SLC25A14: variants seen among roughly 807,000 people sequenced by gnomAD.
SLC25A14 encodes brain mitochondrial carrier protein 1.
SLC25A14 carries 8 observed loss-of-function variants against 28.1 expected under a neutral mutation model. That is an observed-to-expected ratio of 0.28 (90% CI 0.17 to 0.51). The LOEUF (loss-of-function observed/expected upper bound fraction) is 0.51, where lower values mean the gene tolerates loss of function less well. Among genes scored for constraint, SLC25A14 ranks in the 20% least tolerant of loss-of-function variants. The probability of loss-of-function intolerance (pLI) is 0.97; values close to 1 mark genes in which losing one functional copy is unlikely to be tolerated. For missense variants in SLC25A14, 135 were observed against 263.8 expected, an observed-to-expected ratio of 0.51 and a Z score of 3.38; for synonymous variants, 74 against 90.6, an observed-to-expected ratio of 0.82 and a Z score of 1.04.
At chrX:130,362,704 G>A (rs563791622) in intron 7 of SLC25A14, among the ~76,000 whole-genome samples, 8 of 111,894 alleles carry the variant, frequency 7.1e-5, no homozygotes, top group African/African-American at 2.3e-4. Context: ...TATCATAAGC[G>A]TTTTCTTGTG....
At chrX:130,344,663 G>A (rs2033372377) in intron 2 of SLC25A14, among the ~76,000 whole-genome samples, 1 of 111,510 alleles carries the variant, frequency 9.0e-6, no homozygotes, top group African/African-American at 3.3e-5. Flanking sequence ...GGCCTAGTTG[G>A]GGGGACAAAG....
chrX:130,372,502 G>A (rs1422168050), intron 10 of SLC25A14, among the ~76,000 whole-genome samples: 2 of 106,081 alleles, frequency 1.9e-5, no homozygotes, highest in Non-Finnish European at 3.9e-5. Context: ...TTGCTCTCTC[G>A]CCCAGGCTGG....
intron 8 of SLC25A14, 38 bp from the exon 9 acceptor site, chrX:130,365,503 T>C (rs1603265514): frequency 2.5e-6 from 3 of 1,203,444 alleles, no homozygotes; most frequent in African/African-American, 3.5e-5. Context: ...GGGCAGGGAG[T>C]GAAAGTGGGG....
Position 130,340,084 on chromosome X carries a change from C to T in SLC25A14, c.-172-23C>T, listed in dbSNP as rs747158729. 2.1e-3 allele frequency: 2,248 copies of T among 1,056,072 alleles called. 5 individuals carry two copies. The highest frequency in any genetic ancestry group is 1.9e-3 in the Non-Finnish European group (1,551 of 823,544). The allele number at this position is 1,056,072 out of a possible 1,213,427, so 87.0% of individuals were successfully genotyped here. A position where few individuals can be genotyped will look rare whatever the true frequency, so the allele number is the denominator to read the frequency against. ...CCGGCCTGGGAGGGGCTTAACGGTCCTCTGGTCTCTCTCTCCCCTCAGCTG... is the reference window on the plus strand; with the variant it reads ...CCGGCCTGGGAGGGGCTTAACGGTCTTCTGGTCTCTCTCTCCCCTCAGCTG... On this transcript the variant is annotated intron_variant, in intron 1 of 10. Transcript: ENST00000545805.
At chrX:130,364,423 T>C (rs184478448) in intron 7 of SLC25A14, among the ~76,000 whole-genome samples, 64 of 111,482 alleles carry the variant, frequency 5.7e-4, no homozygotes, top group Non-Finnish European at 1.0e-3. Flanking sequence ...GCTTTGGGTG[T>C]CATATCAATT....
intron 6 of SLC25A14, among the ~76,000 whole-genome samples, chrX:130,353,937 T>C (rs1477242055): frequency 4.5e-5 from 5 of 111,599 alleles, no homozygotes; most frequent in Non-Finnish European, 9.4e-5. Flanking sequence ...GTTTTGTTAC[T>C]ACACTATTTA....
At chrX:130,366,077 T>C (rs2034109222) in intron 9 of SLC25A14, among the ~76,000 whole-genome samples, 1 of 112,589 alleles carries the variant, frequency 8.9e-6, no homozygotes, top group Non-Finnish European at 1.9e-5. Flanking sequence ...GCTTTGAAAG[T>C]TCCTGCTGTT....
intron 6 of SLC25A14, among the ~76,000 whole-genome samples, chrX:130,355,912 A>G (rs1300020568): frequency 9.0e-6 from 1 of 111,724 alleles, no homozygotes; most frequent in African/African-American, 3.3e-5. Flanking sequence ...ATATCATTTA[A>G]CTTATTTCTC....
chrX:130,357,721 A>G (rs942288865), intron 6 of SLC25A14, among the ~76,000 whole-genome samples: 12 of 112,042 alleles, frequency 1.1e-4, no homozygotes, highest in African/African-American at 3.9e-4. Context: ...AATCAGGCCT[A>G]CATTTGGGCC....
intron 2 of SLC25A14, among the ~76,000 whole-genome samples, chrX:130,344,786 C>T (rs769310744): frequency 3.4e-4 from 38 of 111,826 alleles, no homozygotes; most frequent in Non-Finnish European, 5.1e-4. Flanking sequence ...ATACCATGAA[C>T]TGCTTTTATG....
At position 130,364,627 on chromosome X, in the gene SLC25A14, G is replaced by T; in HGVS notation, c.595-1G>T. 1 of 1,203,631 alleles carries T rather than the reference G, an allele frequency of 8.3e-7. No homozygotes were observed. The highest frequency in any genetic ancestry group is 1.8e-5 in the South Asian group (1 of 56,741). On this transcript the variant is annotated splice_acceptor_variant, in intron 7 of 10. Transcript: ENST00000545805. LOFTEE classifies it high-confidence loss of function. ...TGCCTAATGTCACTTGTGTTTCGTA[G>T]GGTGTGGTTCCAACTGCTCAGCGTG... is the stretch of plus-strand genomic sequence containing the variant.
intron 7 of SLC25A14, chrX:130,359,124 G>A (rs1193592049): frequency 1.4e-5 from 9 of 645,110 alleles, no homozygotes; most frequent in South Asian, 9.2e-5. Context: ...AGGCCAACGC[G>A]GGTGGATCAC....
chrX:130,353,373 G>A (rs1382232759), intron 6 of SLC25A14, among the ~76,000 whole-genome samples: 1 of 111,204 alleles, frequency 9.0e-6, no homozygotes, highest in African/African-American at 3.3e-5. Context: ...TCTTACTGTA[G>A]TGGTTTTCCA....
intron 2 of SLC25A14, among the ~76,000 whole-genome samples, chrX:130,343,092 G>A (rs1363251896): frequency 9.0e-6 from 1 of 111,509 alleles, no homozygotes; most frequent in South Asian, 3.8e-4. Context: ...GTGAAGTTCC[G>A]ATAGAGGCTT....
At chrX:130,356,179 T>C (rs1007172622) in intron 6 of SLC25A14, among the ~76,000 whole-genome samples, 5 of 108,215 alleles carry the variant, frequency 4.6e-5, no homozygotes, top group Admixed American at 1.0e-4. Context: ...CATCATTCCA[T>C]CCATGTTTCT....
At position 130,364,624 on chromosome X, in the gene SLC25A14, G is replaced by T. The variant is rs368665814; in HGVS notation, c.595-4G>T. Reference sequence around the variant, plus strand: ...TGGTGCCTAATGTCACTTGTGTTTCGTAGGGTGTGGTTCCAACTGCTCAGC... The same window carrying T: ...TGGTGCCTAATGTCACTTGTGTTTCTTAGGGTGTGGTTCCAACTGCTCAGC... On this transcript the variant is annotated splice_region_variant and splice_polypyrimidine_tract_variant and intron_variant, in intron 7 of 10. Coordinates refer to ENST00000545805, the MANE Select transcript of SLC25A14 (RefSeq NM_001282195.2). The T allele has an allele frequency of 1.2e-5, 14 of 1,200,352 alleles. No individual in the cohort carries two copies. The highest frequency in any genetic ancestry group is 1.6e-5 in the Non-Finnish European group (14 of 886,401).
chrX:130,353,503 A>C (rs2033684183), intron 6 of SLC25A14, among the ~76,000 whole-genome samples: 1 of 111,865 alleles, frequency 8.9e-6, no homozygotes, highest in South Asian at 3.7e-4. Context: ...AAGCCCTTCA[A>C]GTGATTTTGA....
chrX:130,344,278 C>T (rs758474486), intron 2 of SLC25A14, among the ~76,000 whole-genome samples: 1 of 111,585 alleles, frequency 9.0e-6, no homozygotes, highest in South Asian at 3.7e-4. Context: ...TTTAATAGAC[C>T]TTCTAGATGA....
intron 2 of SLC25A14, 48 bp from the exon 3 acceptor site, chrX:130,345,134 A>T (rs1188656534): frequency 3.4e-6 from 3 of 873,169 alleles, no homozygotes; most frequent in Non-Finnish European, 5.1e-6. Context: ...AGATGCTAAC[A>T]AATGCTCCTC....
Sources: allele counts gnomAD v4.1 joint callset (sites outside exome capture counted in the v4.1 genomes callset), GRCh38; gene constraint gnomAD v4.1.1; transcripts MANE v1.5; gene names NCBI Gene and HGNC (gene_info 2026-07-23, HGNC 2026-07-21).